Variants in ITPRID1 observed in about 807,000 individuals in gnomAD.
The protein encoded by ITPRID1 is protein ITPRID1.
Under a neutral mutation model 95.4 loss-of-function variants are expected in ITPRID1, and 96 were observed. The observed-to-expected ratio is 1.01, with a 90% CI of 0.85 to 1.19. ITPRID1 has a LOEUF of 1.19. Among genes scored for constraint, ITPRID1 ranks in the 50% most tolerant of loss-of-function variants. ITPRID1 has a pLI of 0.00. For synonymous variants in ITPRID1, 510 were observed against 453.6 expected (o/e 1.12, Z -1.58); for missense variants, 1,339 against 1,252.9 (o/e 1.07, Z -1.04).
At chr7:31,577,717 A>G in intron 8 of ITPRID1, 146 bp from the exon 9 acceptor site, 2 of 629,414 alleles carry the variant, frequency 3.2e-6, no homozygotes, top group Non-Finnish European at 5.4e-6. Flanking sequence ...AATGGCATAT[A>G]CTGAGAAAAA....
intron 5 of ITPRID1, among the ~76,000 whole-genome samples, chr7:31,559,217 C>T (rs1784548691): frequency 6.6e-6 from 1 of 152,178 alleles, no homozygotes; most frequent in Admixed American, 6.5e-5. Flanking sequence ...CCTGCTACTA[C>T]TCCAATAGAA....
chr7:31,610,606 G>A lies in ITPRID1; in HGVS notation c.1228+27415G>A, dbSNP rs767470662. Among the ~76,000 whole-genome samples, 85 of 151,572 alleles carry A rather than the reference G, an allele frequency of 5.6e-4. 1 individual carries two copies. The highest frequency in any genetic ancestry group is 4.0e-4 in the Non-Finnish European group (27 of 67,510). ...TTTTTCTCTGCATTTCTGTCAGTTT[G>A]TTTAATTGGGACTCTGTTTTCAGGT... is the stretch of plus-strand genomic sequence containing the variant. On this transcript the variant is annotated intron_variant, in intron 10 of 14. Transcript: ENST00000615280.
chr7:31,562,187 G>A (rs1408717694), intron 5 of ITPRID1, among the ~76,000 whole-genome samples: 7 of 151,826 alleles, frequency 4.6e-5, no homozygotes, highest in Admixed American at 1.3e-4. Context: ...ATTATAATGC[G>A]AGTGAGAGTG....
intron 10 of ITPRID1, among the ~76,000 whole-genome samples, chr7:31,631,816 T>C (rs1446947021): frequency 6.6e-6 from 1 of 152,232 alleles, no homozygotes; most frequent in Non-Finnish European, 1.5e-5. Context: ...CCTGAGACTT[T>C]TGGCATAGAA....
At chr7:31,515,497 C>T (rs1381815960) in intron 1 of ITPRID1, among the ~76,000 whole-genome samples, 3 of 152,090 alleles carry the variant, frequency 2.0e-5, no homozygotes, top group Non-Finnish European at 2.9e-5. Flanking sequence ...ATCGCTTGAA[C>T]CTGAGAGGCA....
chr7:31,565,997 CAT>C (rs1236806437), intron 5 of ITPRID1, among the ~76,000 whole-genome samples: 1 of 152,166 alleles, frequency 6.6e-6, no homozygotes, highest in Non-Finnish European at 1.5e-5. Flanking sequence ...CCCTAGCAAA[CAT>C]GTTACCATTA....
At chr7:31,638,280 A>G (rs985236343) in intron 10 of ITPRID1, among the ~76,000 whole-genome samples, 4 of 152,222 alleles carry the variant, frequency 2.6e-5, no homozygotes, top group Non-Finnish European at 5.9e-5. Flanking sequence ...AGTCTTAAAT[A>G]TTACACTAGT....
chr7:31,561,877 T>C (rs10236306), intron 5 of ITPRID1, among the ~76,000 whole-genome samples: 21,069 of 152,008 alleles, frequency 0.14, 1,860 homozygotes, highest in Non-Finnish European at 0.19. Context: ...TTGGGATGAA[T>C]ATGGATCCAT....
intron 10 of ITPRID1, among the ~76,000 whole-genome samples, chr7:31,603,524 G>A (rs1562601884): frequency 1.3e-5 from 2 of 152,082 alleles, no homozygotes; most frequent in Non-Finnish European, 2.9e-5. Context: ...ACTCTCGAAT[G>A]AAAGGGGCAG....
chr7:31,639,603 C>G (rs1165924921), intron 10 of ITPRID1, among the ~76,000 whole-genome samples: 1 of 146,318 alleles, frequency 6.8e-6, no homozygotes, highest in Non-Finnish European at 1.5e-5. Flanking sequence ...GTGGCGCAAT[C>G]TCAGCTCACT....
At chr7:31,630,242 G>T (rs1178077479) in intron 10 of ITPRID1, among the ~76,000 whole-genome samples, 1 of 25,698 alleles carries the variant, frequency 3.9e-5, no homozygotes, top group African/African-American at 1.1e-4. Context: ...GAGTCTACTT[G>T]GCAAAAAAAA....
At chr7:31,656,733 G>T (rs1791323964), downstream of ITPRID1, among the ~76,000 whole-genome samples, 1 of 152,120 alleles carries the variant, frequency 6.6e-6, no homozygotes, top group South Asian at 2.1e-4. Flanking sequence ...TCAGAAAGAT[G>T]ACTTCATGTG....
At chr7:31,522,197 G>T (rs934474687) in intron 1 of ITPRID1, among the ~76,000 whole-genome samples, 5 of 152,070 alleles carry the variant, frequency 3.3e-5, no homozygotes, top group Non-Finnish European at 5.9e-5. Flanking sequence ...CAGCCAATGG[G>T]TCTGACTCTA....
At chr7:31,628,164 C>T (rs553183223) in intron 10 of ITPRID1, among the ~76,000 whole-genome samples, 1 of 152,284 alleles carries the variant, frequency 6.6e-6, no homozygotes, top group Non-Finnish European at 1.5e-5. Flanking sequence ...TCAAAAAGTG[C>T]CCTGAAGGAG....
intron 12 of ITPRID1, among the ~76,000 whole-genome samples, chr7:31,646,220 T>C (rs1562654831): frequency 6.6e-6 from 1 of 152,176 alleles, no homozygotes; most frequent in Non-Finnish European, 1.5e-5. Context: ...ACCTGTTTAA[T>C]CCATCAGGCA....
intron 1 of ITPRID1, among the ~76,000 whole-genome samples, chr7:31,532,226 A>G: frequency 6.6e-6 from 1 of 152,182 alleles, no homozygotes; most frequent in Non-Finnish European, 1.5e-5. Flanking sequence ...CAGTTTTAAT[A>G]TTGGATATTT....
chr7:31,544,967 A>G (rs1483627777), intron 1 of ITPRID1, among the ~76,000 whole-genome samples: 1 of 152,148 alleles, frequency 6.6e-6, no homozygotes, highest in East Asian at 1.9e-4. Context: ...TAAGTACCAC[A>G]AATACTGAGA....
At chr7:31,524,365 A>G (rs1783359020) in intron 1 of ITPRID1, among the ~76,000 whole-genome samples, 1 of 152,226 alleles carries the variant, frequency 6.6e-6, no homozygotes, top group African/African-American at 2.4e-5. Context: ...AGTGTCTTAG[A>G]AAACTTTCCC....
intron 10 of ITPRID1, among the ~76,000 whole-genome samples, chr7:31,616,021 G>A (rs919946009): frequency 6.6e-6 from 1 of 152,084 alleles, no homozygotes; most frequent in Admixed American, 6.6e-5. Context: ...GGGATTACAG[G>A]TGTGAGCCAC....
Sources: gnomAD v4.1 joint callset for allele counts (sites outside exome capture counted in the v4.1 genomes callset) on GRCh38, gnomAD v4.1.1 for gene constraint, MANE v1.5 for transcripts, NCBI Gene and HGNC (gene_info 2026-07-23, HGNC 2026-07-21) for gene names.